GABRG3: variants seen among roughly 807,000 people sequenced by gnomAD.
GABRG3 encodes the protein gamma-aminobutyric acid receptor subunit gamma-3.
GABRG3 carries 25 observed loss-of-function variants against 48.8 expected under a neutral mutation model. The observed-to-expected ratio is 0.51, with a 90% CI of 0.37 to 0.72. The LOEUF (loss-of-function observed/expected upper bound fraction) is 0.72. Among genes scored for constraint, GABRG3 ranks in the 30% least tolerant of loss-of-function variants. GABRG3 has a pLI of 0.00. For missense variants in GABRG3, 394 were observed against 577.9 expected, an observed-to-expected ratio of 0.68 and a Z score of 3.26; for synonymous variants, 227 against 217.6, an observed-to-expected ratio of 1.04 and a Z score of -0.38.
At chr15:27,386,609 T>C (rs9672375) in intron 5 of GABRG3, among the ~76,000 whole-genome samples, 60,723 of 151,930 alleles carry the variant, frequency 0.4, 12,350 homozygotes, top group East Asian at 0.49. Context: ...CCTTGTGTGG[T>C]AGTGCTGTGG....
At position 27,179,484 on chromosome 15, in the gene GABRG3, G is replaced by C. The variant is rs992750354; in HGVS notation, c.271-147325G>C. On this transcript the variant is annotated intron_variant, in intron 3 of 9. Transcript: ENST00000615808. This position sits in a 1 kb window ranked among gnomAD's most constrained non-coding sequence, Gnocchi z 4.0. ...CCCCTGATTTTTGTGATACAATTTCGCTGGCTTTATGCTTGGTCTGGCTCT... is the reference window on the plus strand; with the variant it reads ...CCCCTGATTTTTGTGATACAATTTCCCTGGCTTTATGCTTGGTCTGGCTCT... Among the ~76,000 whole-genome samples, 1 of 151,974 alleles carries C rather than the reference G, an allele frequency of 6.6e-6. No homozygotes were observed. Among genetic ancestry groups the C allele is most frequent in the Non-Finnish European group, 1.5e-5 (1 of 68,022 alleles).
chr15:27,435,340 C>T (rs547944581), intron 5 of GABRG3, among the ~76,000 whole-genome samples: 116 of 151,676 alleles, frequency 7.6e-4, no homozygotes, highest in Non-Finnish European at 1.1e-3. Flanking sequence ...TTTTTTAAGC[C>T]GTTTTGGGCC....
chr15:27,214,532 T>C (rs1889178611), intron 3 of GABRG3, among the ~76,000 whole-genome samples: 1 of 107,600 alleles, frequency 9.3e-6, no homozygotes, highest in African/African-American at 3.5e-5. Context: ...TGAATCTTGT[T>C]ATTAAAAAAA....
intron 3 of GABRG3, among the ~76,000 whole-genome samples, chr15:27,105,232 A>C (rs944117807): frequency 2.0e-5 from 3 of 152,220 alleles, no homozygotes; most frequent in Non-Finnish European, 4.4e-5. Context: ...CCAGGAAGAC[A>C]TGATGATCCT....
At chr15:27,075,344 T>G (rs1896893139) in intron 3 of GABRG3, among the ~76,000 whole-genome samples, 1 of 152,242 alleles carries the variant, frequency 6.6e-6, no homozygotes, top group African/African-American at 2.4e-5. Flanking sequence ...TTACACTGGT[T>G]GAGCTATGCT....
At chr15:27,216,802 G>A (rs1889273754) in intron 3 of GABRG3, among the ~76,000 whole-genome samples, 2 of 94,616 alleles carry the variant, frequency 2.1e-5, no homozygotes, top group South Asian at 6.7e-4. Flanking sequence ...TATACTCTAA[G>A]TTTTAGGGTA....
At chr15:27,379,109 A>T (rs964606053) in intron 5 of GABRG3, among the ~76,000 whole-genome samples, 1 of 152,238 alleles carries the variant, frequency 6.6e-6, no homozygotes, top group Non-Finnish European at 1.5e-5. Context: ...AATCTTTCCC[A>T]GTCTCTCAAA....
In GABRG3 at chr15:27,536,568, T is replaced by A. The variant is rs559531945; in HGVS notation, c.*3687T>A. On this transcript the variant is annotated 3_prime_UTR_variant, in exon 10 of 10. Coordinates refer to ENST00000615808, the MANE Select transcript of GABRG3 (RefSeq NM_033223.5). ...TAAGTACAAAGATTTTGCAGGCTCT[T>A]TGACTGAGAAAATGCGTGTTCTCAA... 6 of 152,338 alleles carry A rather than the reference T, an allele frequency of 3.9e-5. No individual in the cohort carries two copies. The South Asian group carries it at 1.2e-3, about 32-fold the overall frequency. The allele number at this position is 152,338 out of a possible 1,614,324, so 9.4% of individuals were successfully genotyped here.
chr15:27,495,533 A>G (rs1310453594), intron 6 of GABRG3, among the ~76,000 whole-genome samples: 1 of 152,216 alleles, frequency 6.6e-6, no homozygotes, highest in Non-Finnish European at 1.5e-5. Context: ...TCAACTATCA[A>G]CATAAATTAG....
chr15:27,062,803 A>G (rs1405513658), intron 3 of GABRG3, among the ~76,000 whole-genome samples: 1 of 152,212 alleles, frequency 6.6e-6, no homozygotes, highest in Non-Finnish European at 1.5e-5. Context: ...ATGCTCCATT[A>G]ATTTTCACTG....
At position 27,504,964 on chromosome 15, in the gene GABRG3, T is replaced by C. The variant is rs1005229269; in HGVS notation, c.713-15008T>C. Among the ~76,000 whole-genome samples the C allele has an allele frequency of 4.6e-5, 7 of 152,324 alleles. 1 individual carries two copies. In the South Asian group the frequency reaches 1.5e-3, roughly 32 times the overall value. Reference sequence around the variant, plus strand: ...AATATTTTACTTTGCCATAGCGAGGTTATCAAAACTAAAAAATTAACATAG... The same window carrying C: ...AATATTTTACTTTGCCATAGCGAGGCTATCAAAACTAAAAAATTAACATAG... On this transcript the variant is annotated intron_variant, in intron 6 of 9. Coordinates refer to ENST00000615808, the MANE Select transcript of GABRG3 (RefSeq NM_033223.5).
At chr15:27,296,597 G>T (rs192044011) in intron 3 of GABRG3, among the ~76,000 whole-genome samples, 1 of 152,154 alleles carries the variant, frequency 6.6e-6, no homozygotes, top group Admixed American at 6.5e-5. Context: ...GGTCCCATAA[G>T]ATTATAATGG....
intron 5 of GABRG3, among the ~76,000 whole-genome samples, chr15:27,477,808 A>G (rs140443467): frequency 0.12 from 18,087 of 152,174 alleles, 2,042 homozygotes; most frequent in African/African-American, 0.28. Flanking sequence ...TGGAAGGCCA[A>G]GGCGGGCAGA....
At chr15:27,465,409 A>C (rs1319639772) in intron 5 of GABRG3, among the ~76,000 whole-genome samples, 1 of 152,234 alleles carries the variant, frequency 6.6e-6, no homozygotes, top group Non-Finnish European at 1.5e-5. Flanking sequence ...CAGGGAACAC[A>C]ATTGGAAAAC....
intron 5 of GABRG3, among the ~76,000 whole-genome samples, chr15:27,444,565 G>A (rs759270961): frequency 6.6e-6 from 1 of 151,954 alleles, no homozygotes; most frequent in Non-Finnish European, 1.5e-5. Context: ...TGATTTTCAG[G>A]ATTTCTCAAA....
chr15:27,062,433 C>CGAAAAAAAAAAAAAAAAAAA (rs1446464708), intron 3 of GABRG3, among the ~76,000 whole-genome samples: 1 of 27,166 alleles, frequency 3.7e-5, no homozygotes, highest in Non-Finnish European at 1.2e-4. Flanking sequence ...TCCATCTCTA[C>CGAAAAAAAAAAAAAAAAAAA]TAAAAAAAAA....
intron 5 of GABRG3, among the ~76,000 whole-genome samples, chr15:27,344,425 GTTGAC>G (rs1894296788): frequency 1.3e-5 from 2 of 152,128 alleles, no homozygotes; most frequent in African/African-American, 4.8e-5. Flanking sequence ...AGCTCATTCT[GTTGAC>G]TTGTCTTTCT....
chr15:27,186,371 A>T (rs891465277), intron 3 of GABRG3, among the ~76,000 whole-genome samples: 3 of 152,192 alleles, frequency 2.0e-5, no homozygotes, highest in Non-Finnish European at 2.9e-5. Context: ...ATAGTATTAT[A>T]TGGTATATAT....
At position 27,247,869 on chromosome 15, in the gene GABRG3, A is replaced by G. The variant is rs140924853; in HGVS notation, c.271-78940A>G. ...GAACAGTATGGGGGAAACTGCCCCC[A>G]TGATTCAATTATCTCCCACTGGGTC... On this transcript the variant is annotated intron_variant, in intron 3 of 9. Coordinates refer to ENST00000615808, the MANE Select transcript of GABRG3 (RefSeq NM_033223.5). 7.4e-3 allele frequency among the ~76,000 whole-genome samples: 1,121 copies of G among 152,284 alleles called. 14 individuals are homozygous for G. The highest frequency in any genetic ancestry group is 0.025 in the African/African-American group (1,049 of 41,546).
Sources: allele counts gnomAD v4.1 joint callset (sites outside exome capture counted in the v4.1 genomes callset), GRCh38; gene constraint gnomAD v4.1.1; non-coding constraint Gnocchi (gnomAD v3.1); transcripts MANE v1.5; gene names NCBI Gene and HGNC (gene_info 2026-07-23, HGNC 2026-07-21).